The following RMDN2 variants were observed in gnomAD, a reference collection of about 807,000 sequenced individuals.
RMDN2 encodes regulator of microtubule dynamics protein 2.
In RMDN2, 61 loss-of-function variants were observed where a neutral mutation model predicts 52.8. That is an observed-to-expected ratio of 1.16 (90% CI 0.94 to 1.43). The LOEUF is 1.43. Ranked by LOEUF, RMDN2 falls within the 40% of genes most tolerant of loss-of-function variation. RMDN2 has a pLI of 0.00. For synonymous variants in RMDN2, 180 were observed against 153.1 expected (o/e 1.18, Z -1.30); for missense variants, 592 against 475.3 (o/e 1.25, Z -2.28).
chr2:37,951,925 A>G lies in RMDN2; in HGVS notation c.453-22115A>G, dbSNP rs748653362. The stretch of plus-strand genomic sequence containing the variant: ...AATGGAATTGCCAATGATATTCAAC[A>G]AAGGGGCCAATTATGTAAAGATTTA... On this transcript the variant is annotated intron_variant, in intron 2 of 10. Coordinates refer to ENST00000354545, the MANE Select transcript of RMDN2 (RefSeq NM_001170791.3). 4 of 1,613,372 alleles carry G rather than the reference A, an allele frequency of 2.5e-6. No homozygotes were observed. In the African/African-American group the frequency reaches 5.3e-5, roughly 22 times the overall value.
chr2:38,005,170 T>G (rs1367476193), intron 10 of RMDN2, among the ~76,000 whole-genome samples: 1 of 152,252 alleles, frequency 6.6e-6, no homozygotes, highest in African/African-American at 2.4e-5. Flanking sequence ...CGTGTGCATG[T>G]GTCTTTAAAG....
chr2:38,015,580 A>G (rs1017161479), intron 10 of RMDN2, among the ~76,000 whole-genome samples: 9 of 149,940 alleles, frequency 6.0e-5, no homozygotes, highest in Non-Finnish European at 1.0e-4. Context: ...AAAAAAAAAG[A>G]AAAAAAAGGA....
At chr2:37,952,793 A>T (rs1669004747) in intron 2 of RMDN2, 1 of 152,200 alleles carries the variant, frequency 6.6e-6, no homozygotes, top group Non-Finnish European at 1.5e-5. Flanking sequence ...CAGATATTTT[A>T]ACTAAGTAAT....
chr2:38,043,745 A>G (rs981402774), intron 10 of RMDN2, among the ~76,000 whole-genome samples: 1 of 152,086 alleles, frequency 6.6e-6, no homozygotes, highest in Non-Finnish European at 1.5e-5. Context: ...GTATCATTTC[A>G]TGGGTAGCAC....
chr2:37,939,508 C>G (rs1667597365), intron 2 of RMDN2, among the ~76,000 whole-genome samples: 1 of 151,960 alleles, frequency 6.6e-6, no homozygotes. Context: ...TTCTCCCACT[C>G]TTATTGTGTG....
At chr2:37,972,566 G>A (rs1226055014) in intron 2 of RMDN2, among the ~76,000 whole-genome samples, 1 of 152,132 alleles carries the variant, frequency 6.6e-6, no homozygotes, top group Non-Finnish European at 1.5e-5. Context: ...GACATCTGAT[G>A]GAGGGTTTTG....
In RMDN2 at chr2:37,989,622, T is replaced by A; in HGVS notation, c.867+6T>A. On this transcript the variant is annotated splice_donor_region_variant and intron_variant, in intron 6 of 10. Transcript: ENST00000354545. ...ACTATGGGCACCTCTTCAAGGTATT[T>A]CTTTTTTTTTTTTCATATTTCTTTT... 1.3e-6 allele frequency: 2 copies of A among 1,559,258 alleles called. No individual in the cohort carries two copies. The highest frequency in any genetic ancestry group is 8.8e-7 in the Non-Finnish European group (1 of 1,141,286).
chr2:37,969,231 G>A (rs1188100325), intron 2 of RMDN2, among the ~76,000 whole-genome samples: 1 of 151,752 alleles, frequency 6.6e-6, no homozygotes, highest in Non-Finnish European at 1.5e-5. Context: ...TAATTTTAGG[G>A]TCAGGTCTGT....
chr2:38,047,662 A>G (rs58598507), intron 10 of RMDN2, among the ~76,000 whole-genome samples: 13,981 of 152,250 alleles, frequency 0.092, 870 homozygotes, highest in African/African-American at 0.17. Context: ...TGTTAAATGT[A>G]TTCCTAAATA....
At chr2:37,985,121 G>T (rs538941323) in intron 5 of RMDN2, among the ~76,000 whole-genome samples, 25 of 151,940 alleles carry the variant, frequency 1.6e-4, no homozygotes, top group Admixed American at 2.6e-4. Flanking sequence ...AAATCATGGG[G>T]TTTTTTTTCC....
chr2:37,949,418 G>T (rs1358062440), intron 2 of RMDN2, among the ~76,000 whole-genome samples: 1 of 152,168 alleles, frequency 6.6e-6, no homozygotes, highest in Non-Finnish European at 1.5e-5. Flanking sequence ...TGGGCCCTCT[G>T]CATTGCCCCT....
At chr2:37,987,208 C>G (rs1252390022) in intron 5 of RMDN2, among the ~76,000 whole-genome samples, 1 of 152,040 alleles carries the variant, frequency 6.6e-6, no homozygotes, top group Middle Eastern at 3.2e-3. Flanking sequence ...AAACATAACA[C>G]TATTTACATT....
chr2:38,010,586 C>T (rs913013150), intron 10 of RMDN2, among the ~76,000 whole-genome samples: 1 of 151,878 alleles, frequency 6.6e-6, no homozygotes, highest in South Asian at 2.1e-4. Context: ...TGGGAGTGAC[C>T]CGATCTTCCA....
intron 2 of RMDN2, among the ~76,000 whole-genome samples, chr2:37,958,870 G>A (rs1457060960): frequency 6.6e-6 from 1 of 150,814 alleles, no homozygotes; most frequent in African/African-American, 2.5e-5. Flanking sequence ...TTTATTGAAG[G>A]CCTTTTCTGC....
chr2:37,980,408 A>T (rs577831163), intron 4 of RMDN2, among the ~76,000 whole-genome samples: 3 of 152,022 alleles, frequency 2.0e-5, no homozygotes, highest in Non-Finnish European at 4.4e-5. Context: ...GGATCAAGTG[A>T]TTCTCCTGCC....
intron 4 of RMDN2, 80 bp from the exon 5 acceptor site, chr2:37,981,203 G>A (rs1251911089): frequency 6.7e-6 from 6 of 894,676 alleles, no homozygotes; most frequent in Non-Finnish European, 1.1e-5. Flanking sequence ...ACCATACTTT[G>A]TGAACCATGA....
chr2:37,955,597 C>T (rs143856160), intron 2 of RMDN2, among the ~76,000 whole-genome samples: 112 of 152,034 alleles, frequency 7.4e-4, no homozygotes, highest in African/African-American at 1.5e-3. Flanking sequence ...TCATGGGGGC[C>T]GATCTTTCCT....
At chr2:37,930,605 A>T (rs1328241947) in intron 2 of RMDN2, among the ~76,000 whole-genome samples, 2 of 152,136 alleles carry the variant, frequency 1.3e-5, no homozygotes, top group African/African-American at 4.8e-5. Context: ...TCTCAGGGAG[A>T]CCAAAGACTT....
intron 4 of RMDN2, among the ~76,000 whole-genome samples, chr2:37,977,062 C>G (rs1409513334): frequency 6.6e-6 from 1 of 152,126 alleles, no homozygotes; most frequent in African/African-American, 2.4e-5. Context: ...AACGAGCATG[C>G]TGCCTTCAAG....
Sources: gnomAD v4.1 joint callset for allele counts (sites outside exome capture counted in the v4.1 genomes callset) on GRCh38, gnomAD v4.1.1 for gene constraint, MANE v1.5 for transcripts, NCBI Gene and HGNC (gene_info 2026-07-23, HGNC 2026-07-21) for gene names.